The following PLCXD1 variants were observed in gnomAD, a reference collection of about 807,000 sequenced individuals.
The protein encoded by PLCXD1 is phosphatidylinositol specific phospholipase C X domain containing 1.
Under a neutral mutation model 37.8 loss-of-function variants are expected in PLCXD1, and 45 were observed. The observed-to-expected ratio is 1.19, with a 90% confidence interval of 0.94 to 1.53. The LOEUF (loss-of-function observed/expected upper bound fraction) is 1.53, where lower values mean the gene tolerates loss of function less well. Ranked by LOEUF, PLCXD1 falls within the 40% of genes most tolerant of loss-of-function variation. The probability of loss-of-function intolerance (pLI) is 0.00; values close to 1 mark genes in which losing one functional copy is unlikely to be tolerated. For missense variants in PLCXD1, 539 were observed against 454.7 expected (o/e 1.19, Z -1.69); for synonymous variants, 246 against 206.9 (o/e 1.19, Z -1.62).
At chrX:295,394 TC>T (rs2069771498) in intron 6 of PLCXD1, among the ~76,000 whole-genome samples, 2 of 151,818 alleles carry the variant, frequency 1.3e-5, no homozygotes, top group African/African-American at 4.8e-5. Context: ...CTCAAGGTGA[TC>T]TTCACGGCCG....
rs143616483 is a variant in PLCXD1 at position 292,651 on chromosome X, C to T, written c.550-384C>T. 6.3e-3 allele frequency among the ~76,000 whole-genome samples: 947 copies of T among 151,012 alleles called. 6 individuals carry two copies. The highest frequency in any genetic ancestry group is 0.022 in the African/African-American group (892 of 41,134). On this transcript the variant is annotated intron_variant, in intron 5 of 6. Transcript: ENST00000381657. ...TATTTGAGAGGGAGTCTCGGTCTGT[C>T]TCCCAGGCTGGAGTGCAATAGCGAA...
At chrX:285,097 GAC>G (rs1176920526) in intron 2 of PLCXD1, among the ~76,000 whole-genome samples, 1 of 144,898 alleles carries the variant, frequency 6.9e-6, no homozygotes, top group Non-Finnish European at 1.5e-5. Flanking sequence ...GGCACACACA[GAC>G]ACATACATAC....
At chrX:283,274 C>A (rs73613825) in intron 1 of PLCXD1, 51,201 of 139,300 alleles carry the variant, frequency 0.37, 10,503 homozygotes, top group East Asian at 0.51. Flanking sequence ...AAAAAAAAAA[C>A]CAAGGCGAGA....
chrX:300,472 GTGTGTGTATATGTGTGTA>G lies in PLCXD1; in HGVS notation c.*1149_*1166del, dbSNP rs2069973022. 3 of 143,246 alleles carry G rather than the reference GTGTGTGTATATGTGTGTA, an allele frequency of 2.1e-5. No individual in the cohort carries two copies. In the South Asian group the frequency reaches 6.6e-4, roughly 31 times the overall value. The allele number at this position is 143,246 out of a possible 1,614,324, so 8.9% of individuals were successfully genotyped here. On this transcript the variant is annotated 3_prime_UTR_variant, in exon 7 of 7. Transcript: ENST00000381657. ...TTTATACATGTGTATATGTGTGTGT[GTGTGTGTATATGTGTGTA>G]TGTGTGTATATATGTATATGTGTGC...
upstream of PLCXD1, among the ~76,000 whole-genome samples, chrX:277,176 G>A (rs1449955671): frequency 1.3e-5 from 2 of 151,726 alleles, no homozygotes; most frequent in Admixed American, 1.3e-4. Flanking sequence ...TTTGTCATGT[G>A]TGGGGAAGGC....
intron 6 of PLCXD1, 57 bp from the exon 7 acceptor site, chrX:299,040 G>A: frequency 2.3e-6 from 3 of 1,292,744 alleles, no homozygotes; most frequent in Non-Finnish European, 3.4e-6. Context: ...CTAGGAGGGA[G>A]AAACAGGCGG....
rs985949779 is a variant in PLCXD1, at chrX:292,937, C to T, written c.550-98C>T. On this transcript the variant is annotated intron_variant, in intron 5 of 6. Transcript: ENST00000381657. ...CAGAATTTCATTTTTGGTTTATACT[C>T]GTGTTGGGCCGGTGTCCCGACTTCC... is the stretch of plus-strand genomic sequence containing the variant. 4.6e-5 allele frequency: 36 copies of T among 784,554 alleles called. No homozygotes were observed. The Middle Eastern group carries it at 1.2e-3, about 26-fold the overall frequency. 48.6% of individuals were successfully genotyped at this position (784,554 alleles called of 1,614,324 possible).
At chrX:283,864 C>T in intron 1 of PLCXD1, 1 of 190,270 alleles carries the variant, frequency 5.3e-6, no homozygotes, top group Non-Finnish European at 1.1e-5. Flanking sequence ...ACCCCTTTTC[C>T]TCTCTCTCTC....
chrX:279,995 C>T (rs1416043684), upstream of PLCXD1, among the ~76,000 whole-genome samples: 3 of 152,030 alleles, frequency 2.0e-5, no homozygotes, highest in African/African-American at 4.8e-5. Context: ...ACTACAGGCG[C>T]GCGCCAGCAC....
At chrX:286,007 C>T (rs761360309) in intron 2 of PLCXD1, among the ~76,000 whole-genome samples, 3 of 151,966 alleles carry the variant, frequency 2.0e-5, no homozygotes, top group South Asian at 2.1e-4. Context: ...GAGCACTGAT[C>T]GCGTTCTTCC....
In PLCXD1 at chrX:301,254, T is replaced by A. The variant is rs971647479; in HGVS notation, c.*1919T>A. On this transcript the variant is annotated 3_prime_UTR_variant, in exon 7 of 7. Transcript: ENST00000381657. ...TCAAATTCCTGGGCTCCAGTGATCC[T>A]CCCACCTTAGCTTCCAGAGTGGCCA... 6.6e-5 allele frequency: 10 copies of A among 152,130 alleles called. No homozygotes were observed. Among genetic ancestry groups the A allele is most frequent in the African/African-American group, 2.4e-4 (10 of 41,406 alleles). 9.4% of individuals were successfully genotyped at this position (152,130 alleles called of 1,614,324 possible).
chrX:283,938 G>T, intron 1 of PLCXD1: 1 of 445,150 alleles, frequency 2.2e-6, no homozygotes. Flanking sequence ...CTGGAGTGCA[G>T]TGGCGGGATC....
upstream of PLCXD1, chrX:276,422 TGGCAAGTCCCCTACGGGGGACGTGGCG>T (rs1251739009): frequency 2.0e-5 from 3 of 152,206 alleles, no homozygotes; most frequent in Non-Finnish European, 4.4e-5. Flanking sequence ...GTTCTCCTGA[TGGCAAGTCCCCTACGGGGGACGTGGCG>T]GGTGCCGTCT....
At chrX:288,013 C>T (rs1416277684) in intron 2 of PLCXD1, among the ~76,000 whole-genome samples, 1 of 152,126 alleles carries the variant, frequency 6.6e-6, no homozygotes, top group African/African-American at 2.4e-5. Flanking sequence ...TCCTGCCTCT[C>T]CCAGCTCCTG....
At chrX:296,971 TTCTG>T (rs201895801) in intron 6 of PLCXD1, among the ~76,000 whole-genome samples, 2,320 of 66,212 alleles carry the variant, frequency 0.035, 171 homozygotes, top group Non-Finnish European at 0.048. Context: ...GGGGACATTA[TTCTG>T]TCTATCACAT....
Position 299,172 on chromosome X carries a change from A to C in PLCXD1, c.809A>C (p.Glu270Ala), listed in dbSNP as rs1347617904. 1 of 1,613,906 alleles carries C rather than the reference A, an allele frequency of 6.2e-7. No homozygotes were observed. The highest frequency in any genetic ancestry group is 8.5e-7 in the Non-Finnish European group (1 of 1,179,842). ...YVLAHPSESL[E>A]KMTLPNLPRL... is the part of the protein sequence containing the mutation. ...CTGGCGCACCCGTCCGAGTCCCTGG[A>C]GAAGATGACGCTGCCCAACCTTCCG... The change falls in exon 7 of 7, where the codon GAG (glutamate) becomes GCG (alanine). Residue 270 changes from glutamate (E) to alanine (A), a missense_variant. Glu to Ala is a moderately radical substitution (Grantham distance 107, BLOSUM62 -1). Coordinates refer to ENST00000381657, the MANE Select transcript of PLCXD1 (RefSeq NM_018390.4).
At chrX:295,026 T>C (rs1376871733) in intron 6 of PLCXD1, among the ~76,000 whole-genome samples, 1 of 150,900 alleles carries the variant, frequency 6.6e-6, no homozygotes, top group Non-Finnish European at 1.5e-5. Flanking sequence ...AAGATTTAGC[T>C]GGGCGTGGTT....
upstream of PLCXD1, among the ~76,000 whole-genome samples, chrX:277,944 G>A (rs59759181): frequency 3.5e-5 from 3 of 85,290 alleles, 1 homozygote; most frequent in East Asian, 7.9e-4. Flanking sequence ...CAGGGGGAAC[G>A]TGGGGACAGG....
rs1240795272 is a variant in PLCXD1, at chrX:302,337, TTC to T, written c.*3004_*3005del. 1 of 152,168 alleles carries T rather than the reference TTC, an allele frequency of 6.6e-6. No homozygotes were observed. The highest frequency in any genetic ancestry group is 2.4e-5 in the African/African-American group (1 of 41,420). 9.4% of individuals were successfully genotyped at this position (152,168 alleles called of 1,614,324 possible). A position where few individuals can be genotyped will look rare whatever the true frequency, so the allele number is the denominator to read the frequency against. ...TCGCACACCGGTTTTCTGCACAGGT[TTC>T]TTTCTGCCTCTGAAGCGTGAACGGT... On this transcript the variant is annotated 3_prime_UTR_variant, in exon 7 of 7. Coordinates refer to ENST00000381657, the MANE Select transcript of PLCXD1 (RefSeq NM_018390.4).
Sources: allele counts gnomAD v4.1 joint callset (sites outside exome capture counted in the v4.1 genomes callset), GRCh38; gene constraint gnomAD v4.1.1; transcripts MANE v1.5; gene names NCBI Gene and HGNC (gene_info 2026-07-23, HGNC 2026-07-21).